The following CKAP2L variants were observed in gnomAD, a reference collection of about 807,000 sequenced individuals.
CKAP2L encodes cytoskeleton associated protein 2L.
CKAP2L carries 42 observed loss-of-function variants against 65.7 expected under a neutral mutation model. The observed-to-expected ratio is 0.64, with a 90% CI of 0.50 to 0.83. The LOEUF is 0.83. Among genes scored for constraint, CKAP2L ranks in the 40% least tolerant of loss-of-function variants. The probability of loss-of-function intolerance (pLI) is 0.00; values close to 1 mark genes in which losing one functional copy is unlikely to be tolerated. For synonymous variants in CKAP2L, 325 were observed against 313.5 expected (o/e 1.04, Z -0.39); for missense variants, 908 against 871.0 (o/e 1.04, Z -0.53).
chr2:112,742,647 T>C (rs1680050170), intron 7 of CKAP2L, 59 bp downstream of exon 7: 2 of 1,122,842 alleles, frequency 1.8e-6, no homozygotes, highest in African/African-American at 1.6e-5. Context: ...CTATATGTCC[T>C]GGATGATTTT....
At chr2:112,764,522 T>C in intron 1 of CKAP2L, 40 bp downstream of exon 1, 8 of 1,612,318 alleles carry the variant, frequency 5.0e-6, no homozygotes, top group Non-Finnish European at 6.8e-6. Context: ...CCGGCCGTGT[T>C]CCAACGCCTG....
At chr2:112,752,886 C>T (rs1247035137) in intron 4 of CKAP2L, among the ~76,000 whole-genome samples, 4 of 152,108 alleles carry the variant, frequency 2.6e-5, no homozygotes, top group Non-Finnish European at 4.4e-5. Context: ...TGCATTCTAC[C>T]CTCAATAAGG....
intron 6 of CKAP2L, among the ~76,000 whole-genome samples, chr2:112,744,387 T>C (rs1302581062): frequency 6.6e-6 from 1 of 152,128 alleles, no homozygotes; most frequent in Non-Finnish European, 1.5e-5. Context: ...ACAGAAAGGC[T>C]AAGGAATGGG....
chr2:112,740,741 A>T, intron 8 of CKAP2L, 77 bp downstream of exon 8: 1 of 1,212,186 alleles, frequency 8.2e-7, no homozygotes, highest in Non-Finnish European at 1.2e-6. Context: ...CAGTTACTCT[A>T]GATCTGTGAA....
Position 112,752,345 on chromosome 2 carries a change from CTCT to C in CKAP2L, c.1521_1523del (p.Glu510del). On this transcript the variant is annotated inframe_deletion, in exon 5 of 9. Coordinates refer to ENST00000302450, the MANE Select transcript of CKAP2L (RefSeq NM_152515.5). ...GTTCGAGTTGTGCTTTCTTTTCTTC[CTCT>C]TCTTTTTCAATGCTCTTCCAGAATG... 2 of 1,613,688 alleles carry C rather than the reference CTCT, an allele frequency of 1.2e-6. No homozygotes were observed. The highest frequency in any genetic ancestry group is 1.7e-6 in the Non-Finnish European group (2 of 1,179,758).
At chr2:112,751,251 T>G (rs1680363789) in intron 5 of CKAP2L, among the ~76,000 whole-genome samples, 2 of 152,140 alleles carry the variant, frequency 1.3e-5, no homozygotes, top group South Asian at 4.1e-4. Flanking sequence ...ATAACATTGG[T>G]ACTAGGAAAA....
In CKAP2L at chr2:112,740,810, T is replaced by C; in HGVS notation, c.2012+8A>G. ...GTGAACACAAAGTCTGCTTTAGAGT[T>C]TGCTTACCTAGGGATTGGACCAATC... On this transcript the variant is annotated splice_region_variant and intron_variant, in intron 8 of 8. Coordinates refer to ENST00000302450, the MANE Select transcript of CKAP2L (RefSeq NM_152515.5). The C allele has an allele frequency of 1.3e-6, 2 of 1,597,942 alleles. No homozygotes were observed. The highest frequency in any genetic ancestry group is 1.7e-6 in the Non-Finnish European group (2 of 1,168,230).
rs370472260 is a variant in CKAP2L, at chr2:112,741,140, ATTGAT to A, written c.1823-138_1823-134del. On this transcript the variant is annotated intron_variant, in intron 7 of 8. Coordinates refer to ENST00000302450, the MANE Select transcript of CKAP2L (RefSeq NM_152515.5). The stretch of plus-strand genomic sequence containing the variant: ...CATGGGCTCCACATACTGAATAGTG[ATTGAT>A]TTGAAGTGTGACTTATAACTTGTTT... 6.6e-4 allele frequency: 441 copies of A among 670,502 alleles called. 1 individual carries two copies. Among genetic ancestry groups the A allele is most frequent in the African/African-American group, 1.2e-3 (65 of 55,504 alleles). The allele number at this position is 670,502 out of a possible 1,614,324, so 41.5% of individuals were successfully genotyped here.
At position 112,738,884 on chromosome 2, in the gene CKAP2L, A is replaced by G. The variant is rs1370261647; in HGVS notation, c.2177T>C (p.Phe726Ser). 6.2e-7 allele frequency: 1 copy of G among 1,614,118 alleles called. No homozygotes were observed. Among genetic ancestry groups the G allele is most frequent in the South Asian group, 1.1e-5 (1 of 91,078 alleles). Residue 726 changes from phenylalanine to serine, a missense_variant, in exon 9 of 9, where the codon TTT becomes TCT. By Grantham distance (155) the Phe-to-Ser change is radical. Coordinates refer to ENST00000302450, the MANE Select transcript of CKAP2L (RefSeq NM_152515.5). ...CAGCGCCTCATTTCTACGGAATATA[A>G]AACATTTTGTTTCTTCCACTTCTAA... ...ELLEVEETKC[F>S]IFRRNEALPV...
chr2:112,742,427 A>T (rs1450758785), intron 7 of CKAP2L: 1 of 717,630 alleles, frequency 1.4e-6, no homozygotes, highest in African/African-American at 1.7e-5. Context: ...TCCAGCAAAG[A>T]GCTGTTTGTC....
At chr2:112,746,685 T>C in intron 5 of CKAP2L, 110 bp from the exon 6 acceptor site, 1 of 729,578 alleles carries the variant, frequency 1.4e-6, no homozygotes, top group Non-Finnish European at 2.1e-6. Flanking sequence ...ATCACTAATA[T>C]TTTTGAACTT....
intron 1 of CKAP2L, 150 bp downstream of exon 1, chr2:112,764,412 G>A (rs772399784): frequency 3.6e-5 from 30 of 835,764 alleles, no homozygotes; most frequent in Non-Finnish European, 6.0e-5. Context: ...TGGGGGTCCC[G>A]TCTGCGCTCC....
At chr2:112,742,837 T>C in intron 6 of CKAP2L, 68 bp from the exon 7 acceptor site, 1 of 959,882 alleles carries the variant, frequency 1.0e-6, no homozygotes, top group South Asian at 1.4e-5. Flanking sequence ...TAAGGAACTT[T>C]AACTTCAAAT....
intron 4 of CKAP2L, among the ~76,000 whole-genome samples, chr2:112,754,364 G>A (rs1680470074): frequency 6.6e-6 from 1 of 152,052 alleles, no homozygotes; most frequent in Non-Finnish European, 1.5e-5. Flanking sequence ...CCCAAATACT[G>A]CCCCCTCACC....
At position 112,738,951 on chromosome 2, in the gene CKAP2L, G is replaced by A; in HGVS notation, c.2110C>T (p.Leu704=). 1 of 1,614,166 alleles carries A rather than the reference G, an allele frequency of 6.2e-7. No homozygotes were observed. Among genetic ancestry groups the A allele is most frequent in the Non-Finnish European group, 8.5e-7 (1 of 1,180,004 alleles). ...ERAVSRYPEM[L]QEHDLVVASL... Reference sequence around the variant, plus strand: ...GCCACTACTAAATCGTGTTCCTGCAGCATTTCTGGGTAGCGGGACACTGCT... The same window carrying A: ...GCCACTACTAAATCGTGTTCCTGCAACATTTCTGGGTAGCGGGACACTGCT... The change falls in exon 9 of 9, where the codon CTG becomes TTG. Residue 704 remains leucine (L), a synonymous_variant. Coordinates refer to ENST00000302450, the MANE Select transcript of CKAP2L (RefSeq NM_152515.5).
At chr2:112,748,459 C>A (rs199665887) in intron 5 of CKAP2L, among the ~76,000 whole-genome samples, 2 of 152,204 alleles carry the variant, frequency 1.3e-5, no homozygotes, top group African/African-American at 4.8e-5. Flanking sequence ...AGCATGAAGG[C>A]AAATAACAAG....
chr2:112,754,053 T>TA (rs1680459778), intron 4 of CKAP2L, among the ~76,000 whole-genome samples: 1 of 152,212 alleles, frequency 6.6e-6, no homozygotes, highest in Non-Finnish European at 1.5e-5. Context: ...AGGTATTTAA[T>TA]AACACACAGT....
intron 4 of CKAP2L, among the ~76,000 whole-genome samples, chr2:112,754,205 G>GC (rs968295733): frequency 1.3e-5 from 2 of 151,878 alleles, no homozygotes; most frequent in South Asian, 2.1e-4. Context: ...CACCCCTAAC[G>GC]CCCCCCTCCT....
chr2:112,738,054 C>G lies in CKAP2L; in HGVS notation c.*769G>C, dbSNP rs950830795. 1.3e-5 allele frequency: 2 copies of G among 152,206 alleles called. No homozygotes were observed. The highest frequency in any genetic ancestry group is 4.8e-5 in the African/African-American group (2 of 41,450). The allele number at this position is 152,206 out of a possible 1,614,324, so 9.4% of individuals were successfully genotyped here. On this transcript the variant is annotated 3_prime_UTR_variant, in exon 9 of 9. Transcript: ENST00000302450. ...CCTACAACAGTCTCTGGGGCTTGCA[C>G]TGCCTTCTCAGGCCAGCTATACCCT...
Sources: allele counts gnomAD v4.1 joint callset (sites outside exome capture counted in the v4.1 genomes callset), GRCh38; gene constraint gnomAD v4.1.1; transcripts MANE v1.5; gene names NCBI Gene and HGNC (gene_info 2026-07-23, HGNC 2026-07-21).